Variants in DIP2C observed in about 807,000 individuals in gnomAD.
DIP2C encodes disco-interacting protein 2 homolog C.
In DIP2C, 33 loss-of-function variants were observed where a neutral mutation model predicts 192.4. That is an observed-to-expected ratio of 0.17 (90% CI 0.13 to 0.23). The LOEUF is 0.23. Ranked by LOEUF, DIP2C falls within the 10% of genes least tolerant of loss-of-function variation. DIP2C has a pLI of 1.00. For missense variants in DIP2C, 1,537 were observed against 2,110.1 expected (o/e 0.73, Z 5.32); for synonymous variants, 979 against 864.1 (o/e 1.13, Z -2.33).
rs545757099 is a variant in DIP2C at position 275,882 on chromosome 10, T to G, written c.*1443A>C. The G allele has an allele frequency of 6.6e-6, 1 of 152,196 alleles. No homozygotes were observed. The highest frequency in any genetic ancestry group is 2.4e-5 in the African/African-American group (1 of 41,452). 9.4% of individuals were successfully genotyped at this position (152,196 alleles called of 1,614,324 possible). The stretch of plus-strand genomic sequence containing the variant: ...TCTTGCTTCAGCCGGAGCTCTGGCA[T>G]GAACCCCCGGGGAACTGTGCTCACT... On this transcript the variant is annotated 3_prime_UTR_variant, in exon 37 of 37. Coordinates refer to ENST00000280886, the MANE Select transcript of DIP2C (RefSeq NM_014974.3).
At chr10:471,888 G>GA (rs1220717504) in intron 3 of DIP2C, among the ~76,000 whole-genome samples, 1 of 152,098 alleles carries the variant, frequency 6.6e-6, no homozygotes, top group Non-Finnish European at 1.5e-5. Flanking sequence ...GAGTAGCTAG[G>GA]ACTACAGGTG....
chr10:362,442 C>T lies in DIP2C; in HGVS notation c.2794+48G>A, dbSNP rs374580846. On this transcript the variant is annotated intron_variant, in intron 22 of 36. Coordinates refer to ENST00000280886, the MANE Select transcript of DIP2C (RefSeq NM_014974.3). The stretch of plus-strand genomic sequence containing the variant: ...CCCGCACCTCCCAGTGCCGTGCAGC[C>T]CCAAGGGAACTCCCGCACCTCACAA... The T allele has an allele frequency of 5.3e-5, 85 of 1,594,886 alleles. No homozygotes were observed. The African/African-American group carries it at 1.1e-3, about 21-fold the overall frequency.
chr10:357,206 C>T (rs1959123337), intron 23 of DIP2C, among the ~76,000 whole-genome samples: 1 of 152,252 alleles, frequency 6.6e-6, no homozygotes, highest in Non-Finnish European at 1.5e-5. Flanking sequence ...CCGAACGGTT[C>T]TAATGGGGAC....
intron 17 of DIP2C, among the ~76,000 whole-genome samples, chr10:378,538 T>C (rs1961924358): frequency 2.0e-5 from 3 of 151,094 alleles, no homozygotes; most frequent in Admixed American, 2.0e-4. Flanking sequence ...CAAAGACACA[T>C]GTGAACACAT....
At chr10:490,104 C>T (rs1844325380) in intron 1 of DIP2C, among the ~76,000 whole-genome samples, 2 of 52,646 alleles carry the variant, frequency 3.8e-5, no homozygotes, top group African/African-American at 1.3e-4. Context: ...GTGGCTCTGA[C>T]GGTGCCTGGT....
At chr10:400,784 G>A (rs1428771501) in intron 9 of DIP2C, among the ~76,000 whole-genome samples, 1 of 150,960 alleles carries the variant, frequency 6.6e-6, no homozygotes, top group Non-Finnish European at 1.5e-5. Context: ...TTTTACACGT[G>A]TGGTAGCATT....
chr10:474,407 A>G (rs1281459845), intron 2 of DIP2C, among the ~76,000 whole-genome samples: 4 of 152,186 alleles, frequency 2.6e-5, no homozygotes, highest in African/African-American at 9.7e-5. Flanking sequence ...ATTCTCCAGC[A>G]GAACTGAAAA....
chr10:338,102 T>A lies in DIP2C; in HGVS notation c.3584+3097A>T, dbSNP rs151263400. On this transcript the variant is annotated intron_variant, in intron 29 of 36. Transcript: ENST00000280886. Reference sequence around the variant, plus strand: ...TTAAAATTTAATAGAAAGCAGCTTATAAAGGAGATAAATTATTTTTGTATA... The same window carrying A: ...TTAAAATTTAATAGAAAGCAGCTTAAAAAGGAGATAAATTATTTTTGTATA... 4.3e-3 allele frequency among the ~76,000 whole-genome samples: 659 copies of A among 152,362 alleles called. 5 individuals carry two copies. The highest frequency in any genetic ancestry group is 0.015 in the African/African-American group (607 of 41,578).
At chr10:545,141 T>G (rs1272824827) in intron 1 of DIP2C, among the ~76,000 whole-genome samples, 1 of 150,094 alleles carries the variant, frequency 6.7e-6, no homozygotes, top group Non-Finnish European at 1.5e-5. Flanking sequence ...GAGTAGGCCC[T>G]GATCCAACAT....
Position 299,180 on chromosome 10 carries a change from A to G in DIP2C, c.3987-10759T>C, listed in dbSNP as rs183567011. Among the ~76,000 whole-genome samples the G allele has an allele frequency of 1.3e-3, 202 of 152,342 alleles. 3 individuals are homozygous for G. Among genetic ancestry groups the G allele is most frequent in the East Asian group, 4.2e-3 (22 of 5,192 alleles). ...ACAGTTTTTTCTGAACCATTTGAGG[A>G]TAAGTTAAATACATCAAGGTAAGTG... On this transcript the variant is annotated intron_variant, in intron 32 of 36. Transcript: ENST00000280886.
intron 1 of DIP2C, among the ~76,000 whole-genome samples, chr10:607,952 T>G (rs557831339): frequency 2.0e-5 from 3 of 151,498 alleles, no homozygotes; most frequent in Non-Finnish European, 4.4e-5. Context: ...GTCCCAGAGG[T>G]GGCTGAGGCT....
At chr10:442,969 G>C (rs769548952) in intron 3 of DIP2C, among the ~76,000 whole-genome samples, 2 of 152,174 alleles carry the variant, frequency 1.3e-5, no homozygotes, top group Non-Finnish European at 2.9e-5. Context: ...AAATTTTCAA[G>C]AATACAGGTT....
At chr10:487,476 T>C (rs1389881986) in intron 1 of DIP2C, among the ~76,000 whole-genome samples, 1 of 150,536 alleles carries the variant, frequency 6.6e-6, no homozygotes, top group Non-Finnish European at 1.5e-5. Context: ...ATGATACAGG[T>C]TCTCGTCTCC....
At chr10:578,814 CAT>C (rs1337455155) in intron 1 of DIP2C, among the ~76,000 whole-genome samples, 4 of 151,222 alleles carry the variant, frequency 2.6e-5, no homozygotes, top group South Asian at 2.1e-4. Context: ...TGTGTGCATG[CAT>C]AGAGAGCACA....
intron 1 of DIP2C, among the ~76,000 whole-genome samples, chr10:543,618 A>G (rs1848121775): frequency 6.6e-6 from 1 of 152,216 alleles, no homozygotes; most frequent in Non-Finnish European, 1.5e-5. Flanking sequence ...GCTCAAACAC[A>G]TCCTTTAAGA....
chr10:637,586 A>C (rs1043805136), intron 1 of DIP2C, among the ~76,000 whole-genome samples: 1 of 152,196 alleles, frequency 6.6e-6, no homozygotes, highest in Non-Finnish European at 1.5e-5. Context: ...TGAGACCCTC[A>C]TGACCTCCTC....
At position 362,745 on chromosome 10, in the gene DIP2C, G is replaced by A. The variant is rs76421018; in HGVS notation, c.2593-54C>T. The A allele has an allele frequency of 6.7e-4, 1,012 of 1,520,930 alleles. 4 individuals carry two copies. The African/African-American group carries it at 8.4e-3, about 13-fold the overall frequency. 94.2% of individuals were successfully genotyped at this position (1,520,930 alleles called of 1,614,324 possible). A position where few individuals can be genotyped will look rare whatever the true frequency, so the allele number is the denominator to read the frequency against. ...TTATAAGAGGAAGTATAAACAGTAC[G>A]TATTTATATTATGCAAAATATGATC... On this transcript the variant is annotated intron_variant, in intron 21 of 36. Coordinates refer to ENST00000280886, the MANE Select transcript of DIP2C (RefSeq NM_014974.3).
At chr10:555,973 C>T (rs1290497527) in intron 1 of DIP2C, among the ~76,000 whole-genome samples, 1 of 152,126 alleles carries the variant, frequency 6.6e-6, no homozygotes, top group Non-Finnish European at 1.5e-5. Flanking sequence ...GCTCCTGACC[C>T]TGCCCCCAAC....
At chr10:530,963 A>AC (rs987769658) in intron 1 of DIP2C, among the ~76,000 whole-genome samples, 2 of 152,062 alleles carry the variant, frequency 1.3e-5, no homozygotes, top group East Asian at 1.9e-4. Flanking sequence ...CCGACCAGAC[A>AC]CCCCACCCTG....
Sources: allele counts gnomAD v4.1 joint callset (sites outside exome capture counted in the v4.1 genomes callset), GRCh38; gene constraint gnomAD v4.1.1; transcripts MANE v1.5; gene names NCBI Gene and HGNC (gene_info 2026-07-23, HGNC 2026-07-21).